PSMD14: variants seen among roughly 807,000 people sequenced by gnomAD.
The protein encoded by PSMD14 is ubiquitin C-terminal hydrolase PSMD14.
Under a neutral mutation model 41.2 loss-of-function variants are expected in PSMD14, and 7 were observed. The observed-to-expected ratio is 0.17, with a 90% CI of 0.10 to 0.32. PSMD14 has a LOEUF of 0.32. PSMD14 is among the 10% of genes least tolerant of loss of function. The probability of loss-of-function intolerance (pLI) is 1.00; values close to 1 mark genes in which losing one functional copy is unlikely to be tolerated. For synonymous variants in PSMD14, 114 were observed against 122.3 expected, an observed-to-expected ratio of 0.93 and a Z score of 0.45; for missense variants, 139 against 375.6, an observed-to-expected ratio of 0.37 and a Z score of 5.21.
At chr2:161,315,238 T>C (rs1689134037) in intron 1 of PSMD14, among the ~76,000 whole-genome samples, 1 of 152,190 alleles carries the variant, frequency 6.6e-6, no homozygotes, top group Non-Finnish European at 1.5e-5. Context: ...AAACATCCTA[T>C]GATGCGCAAG....
At chr2:161,317,999 A>G (rs1689163770) in intron 2 of PSMD14, among the ~76,000 whole-genome samples, 1 of 152,098 alleles carries the variant, frequency 6.6e-6, no homozygotes, top group African/African-American at 2.4e-5. Flanking sequence ...TACACTTGAT[A>G]TTTCTTAACT....
At chr2:161,393,137 GA>G (rs1559053744) in intron 9 of PSMD14, among the ~76,000 whole-genome samples, 2 of 152,080 alleles carry the variant, frequency 1.3e-5, no homozygotes, top group African/African-American at 4.8e-5. Context: ...AGCCTTACTC[GA>G]GGGTCGCAAG....
chr2:161,410,233 T>C (rs1324808153), intron 11 of PSMD14, among the ~76,000 whole-genome samples: 2 of 152,050 alleles, frequency 1.3e-5, no homozygotes, highest in East Asian at 3.8e-4. Context: ...TAAAATGCCC[T>C]AAGACTTATT....
chr2:161,310,972 C>G (rs1440078275), intron 1 of PSMD14, among the ~76,000 whole-genome samples: 1 of 152,160 alleles, frequency 6.6e-6, no homozygotes, highest in African/African-American at 2.4e-5. Flanking sequence ...GGTTCCGCAT[C>G]TGTAGATTCA....
intron 3 of PSMD14, among the ~76,000 whole-genome samples, chr2:161,334,838 T>C (rs555275368): frequency 4.6e-5 from 7 of 152,398 alleles, no homozygotes; most frequent in African/African-American, 1.7e-4. Flanking sequence ...GCTGGGATTA[T>C]ACAGGCATGA....
At chr2:161,357,076 C>CTTTTTTTTTTTTTTTTTTTTTTTTTTT (rs71281822) in intron 3 of PSMD14, among the ~76,000 whole-genome samples, 2,323 of 123,340 alleles carry the variant, frequency 0.019, 222 homozygotes, top group East Asian at 0.051. Flanking sequence ...TGGCAAATGC[C>CTTTTTTTTTTTTTTTTTTTTTTTTTTT]TTTTTTTTTT....
At chr2:161,327,360 CAGTT>C (rs1682714287) in intron 3 of PSMD14, among the ~76,000 whole-genome samples, 1 of 152,076 alleles carries the variant, frequency 6.6e-6, no homozygotes, top group Admixed American at 6.6e-5. Context: ...TACTTAAAAA[CAGTT>C]AAAGTGGCAA....
intron 6 of PSMD14, among the ~76,000 whole-genome samples, chr2:161,370,530 A>T (rs920485963): frequency 1.3e-5 from 2 of 152,150 alleles, no homozygotes; most frequent in Non-Finnish European, 2.9e-5. Flanking sequence ...TGAGATTATG[A>T]ATATTTAATT....
chr2:161,330,043 AG>A (rs1348934398), intron 3 of PSMD14, among the ~76,000 whole-genome samples: 1 of 152,146 alleles, frequency 6.6e-6, no homozygotes, highest in Admixed American at 6.5e-5. Flanking sequence ...TTGAGAGGAA[AG>A]GTCTTTGACA....
At chr2:161,389,889 G>GTT (rs1162637393) in intron 8 of PSMD14, among the ~76,000 whole-genome samples, 13 of 20,052 alleles carry the variant, frequency 6.5e-4, no homozygotes, top group Non-Finnish European at 8.2e-4. Flanking sequence ...CTTTTTTGTT[G>GTT]TTTTTTTTTT....
chr2:161,381,998 A>G (rs922629236), intron 7 of PSMD14: 1 of 151,862 alleles, frequency 6.6e-6, no homozygotes, highest in Non-Finnish European at 1.5e-5. Flanking sequence ...ATATTTTCAG[A>G]AAAATAAAGG....
At chr2:161,407,630 G>C (rs1294640478) in intron 10 of PSMD14, 2 of 152,088 alleles carry the variant, frequency 1.3e-5, no homozygotes, top group Non-Finnish European at 2.9e-5. Flanking sequence ...GGGAATGTCT[G>C]ATGATTACAT....
intron 11 of PSMD14, among the ~76,000 whole-genome samples, chr2:161,409,307 T>C (rs1683994641): frequency 1.3e-5 from 2 of 152,114 alleles, no homozygotes; most frequent in South Asian, 4.1e-4. Context: ...TATTGGGTTA[T>C]ACTGAGTGAA....
intron 8 of PSMD14, among the ~76,000 whole-genome samples, chr2:161,389,475 A>G (rs925555904): frequency 1.3e-5 from 2 of 152,190 alleles, no homozygotes; most frequent in Admixed American, 6.6e-5. Flanking sequence ...TTTATGCACT[A>G]AAATTTAATT....
chr2:161,394,578 TTAGA>T (rs1425121771), intron 9 of PSMD14, among the ~76,000 whole-genome samples: 4 of 152,230 alleles, frequency 2.6e-5, no homozygotes, highest in Non-Finnish European at 5.9e-5. Flanking sequence ...TGAGCTATTA[TTAGA>T]TATTGTTCTA....
At chr2:161,409,158 G>A (rs1276764734) in intron 11 of PSMD14, among the ~76,000 whole-genome samples, 1 of 151,798 alleles carries the variant, frequency 6.6e-6, no homozygotes, top group Non-Finnish European at 1.5e-5. Context: ...CTTGTATCCT[G>A]AATTAATTTT....
At chr2:161,381,897 A>G (rs1350322575) in intron 7 of PSMD14, 2 of 151,936 alleles carry the variant, frequency 1.3e-5, no homozygotes, top group Non-Finnish European at 2.9e-5. Flanking sequence ...TTTAGTATCT[A>G]TTTCCAAGAG....
intron 6 of PSMD14, 132 bp downstream of exon 6, chr2:161,370,309 A>G: frequency 1.4e-6 from 1 of 692,290 alleles, no homozygotes. Context: ...GTATCTGTAA[A>G]TATCAGTGCC....
intron 3 of PSMD14, among the ~76,000 whole-genome samples, chr2:161,352,698 C>T (rs1361090267): frequency 6.6e-6 from 1 of 152,060 alleles, no homozygotes; most frequent in Non-Finnish European, 1.5e-5. Flanking sequence ...ATTCCCTCTC[C>T]TCTGTGTGGT....
Sources: gnomAD v4.1 joint callset for allele counts (sites outside exome capture counted in the v4.1 genomes callset) on GRCh38, gnomAD v4.1.1 for gene constraint, MANE v1.5 for transcripts, NCBI Gene and HGNC (gene_info 2026-07-23, HGNC 2026-07-21) for gene names.